CLSTN2: variants seen among roughly 807,000 people sequenced by gnomAD.
CLSTN2 encodes the protein calsyntenin 2.
CLSTN2 carries 48 observed loss-of-function variants against 101.2 expected under a neutral mutation model. The ratio of observed to expected loss-of-function variants is 0.47; its 90% confidence interval spans 0.38 to 0.60. The LOEUF is 0.60. Ranked by LOEUF, CLSTN2 falls within the 20% of genes least tolerant of loss-of-function variation. The pLI is 0.00. For synonymous variants in CLSTN2, 481 were observed against 463.6 expected (o/e 1.04, Z -0.48); for missense variants, 1,160 against 1,238.2 (o/e 0.94, Z 0.95).
chr3:140,427,182 A>T (rs9862981), intron 5 of CLSTN2, among the ~76,000 whole-genome samples: 27 of 79,774 alleles, frequency 3.4e-4, no homozygotes, highest in Non-Finnish European at 5.2e-4. Context: ...TCAAAAAAAA[A>T]AAATATATAT....
At chr3:140,086,477 A>G (rs1053195412) in intron 1 of CLSTN2, among the ~76,000 whole-genome samples, 4 of 152,216 alleles carry the variant, frequency 2.6e-5, no homozygotes, top group African/African-American at 9.6e-5. Flanking sequence ...TATGGATTGA[A>G]TCATCTAATA....
At chr3:140,517,379 G>T (rs980673985) in intron 8 of CLSTN2, among the ~76,000 whole-genome samples, 1 of 152,106 alleles carries the variant, frequency 6.6e-6, no homozygotes, top group Non-Finnish European at 1.5e-5. Context: ...TACTTTGGGG[G>T]TGTTAAAGAA....
chr3:140,037,704 A>T (rs1301329227), intron 1 of CLSTN2, among the ~76,000 whole-genome samples: 1 of 151,854 alleles, frequency 6.6e-6, no homozygotes, highest in Non-Finnish European at 1.5e-5. Flanking sequence ...CCCTACCCCG[A>T]CCCCACTGAC....
At chr3:140,116,116 A>G (rs2009238687) in intron 1 of CLSTN2, among the ~76,000 whole-genome samples, 1 of 152,136 alleles carries the variant, frequency 6.6e-6, no homozygotes. Context: ...TGAAGTGGGA[A>G]TATCAAGTGT....
chr3:140,154,640 C>CTTTT (rs1560111196), intron 1 of CLSTN2, among the ~76,000 whole-genome samples: 2 of 108,056 alleles, frequency 1.9e-5, no homozygotes, highest in East Asian at 5.7e-4. Context: ...GAAGTATCAC[C>CTTTT]CTTTTTTTTT....
intron 2 of CLSTN2, among the ~76,000 whole-genome samples, chr3:140,262,939 A>T (rs954821530): frequency 2.0e-5 from 3 of 152,116 alleles, no homozygotes; most frequent in Admixed American, 2.0e-4. Context: ...CACAAGGAGG[A>T]CAGTGAGTTA....
intron 1 of CLSTN2, among the ~76,000 whole-genome samples, chr3:140,150,765 T>C (rs556529677): frequency 2.0e-5 from 3 of 152,242 alleles, no homozygotes; most frequent in South Asian, 4.2e-4. Flanking sequence ...TTCACTGATA[T>C]TGATCCCAAG....
intron 1 of CLSTN2, among the ~76,000 whole-genome samples, chr3:140,121,403 G>T (rs1265649439): frequency 6.6e-6 from 1 of 152,166 alleles, no homozygotes. Flanking sequence ...TTGCTGGCTG[G>T]ATAGGTGAGC....
chr3:140,000,924 G>A (rs2006821325), intron 1 of CLSTN2, among the ~76,000 whole-genome samples: 1 of 152,164 alleles, frequency 6.6e-6, no homozygotes, highest in Admixed American at 6.5e-5. Context: ...AGGGTTCTGT[G>A]GTTATTGGCA....
chr3:139,950,054 C>A (rs1404856649), intron 1 of CLSTN2, among the ~76,000 whole-genome samples: 3 of 152,144 alleles, frequency 2.0e-5, no homozygotes, highest in African/African-American at 7.2e-5. Context: ...GCTAGGGAGG[C>A]AGGGCAGCAG....
intron 2 of CLSTN2, among the ~76,000 whole-genome samples, chr3:140,250,821 G>T (rs1559819322): frequency 6.6e-6 from 1 of 152,176 alleles, no homozygotes; most frequent in Non-Finnish European, 1.5e-5. Flanking sequence ...TAATAATACA[G>T]TCTTCATTAA....
intron 2 of CLSTN2, among the ~76,000 whole-genome samples, chr3:140,200,308 A>C (rs1300677107): frequency 3.9e-5 from 6 of 152,190 alleles, no homozygotes; most frequent in African/African-American, 1.4e-4. Flanking sequence ...GCCGTAAAAA[A>C]TTCTTGGAGA....
chr3:139,954,555 T>C (rs932786809), intron 1 of CLSTN2, among the ~76,000 whole-genome samples: 13 of 152,008 alleles, frequency 8.6e-5, no homozygotes, highest in African/African-American at 3.1e-4. Context: ...CCTTTGGAGG[T>C]GAAATGACTT....
chr3:140,415,224 CTA>C (rs1231481617), intron 4 of CLSTN2, among the ~76,000 whole-genome samples: 2 of 152,044 alleles, frequency 1.3e-5, no homozygotes, highest in Admixed American at 1.3e-4. Flanking sequence ...AGACCTGAAA[CTA>C]TAAAAACCCT....
chr3:140,217,796 A>G (rs1323739514), intron 2 of CLSTN2, among the ~76,000 whole-genome samples: 1 of 152,242 alleles, frequency 6.6e-6, no homozygotes, highest in Non-Finnish European at 1.5e-5. Flanking sequence ...GGGCAAGAAA[A>G]TGAAACTATT....
At chr3:139,946,244 G>T (rs1345522745) in intron 1 of CLSTN2, among the ~76,000 whole-genome samples, 3 of 152,198 alleles carry the variant, frequency 2.0e-5, no homozygotes, top group South Asian at 2.1e-4. Flanking sequence ...TCTCTCTCAT[G>T]CTGCCAAGAA....
Position 140,563,954 on chromosome 3 carries a change from G to A in CLSTN2, c.2483-7G>A. The A allele has an allele frequency of 5.0e-6, 8 of 1,612,160 alleles. No homozygotes were observed. The highest frequency in any genetic ancestry group is 2.2e-5 in the East Asian group (1 of 44,850). On this transcript the variant is annotated splice_polypyrimidine_tract_variant and splice_region_variant and intron_variant, in intron 15 of 16. Transcript: ENST00000458420. ...ACCATGTCATGCGAGTTTTTTCCTTGTTCCAGTGGTCCCAAGCATTGCCAC... is the reference window on the plus strand; with the variant it reads ...ACCATGTCATGCGAGTTTTTTCCTTATTCCAGTGGTCCCAAGCATTGCCAC...
At chr3:140,076,224 C>T (rs2008485339) in intron 1 of CLSTN2, among the ~76,000 whole-genome samples, 1 of 152,170 alleles carries the variant, frequency 6.6e-6, no homozygotes, top group South Asian at 2.1e-4. Context: ...CTTGTTGTTG[C>T]CTATGGCAGG....
rs116424644 is a variant in CLSTN2 at position 140,227,361 on chromosome 3, G to T, written c.232+51288G>T. On this transcript the variant is annotated intron_variant, in intron 2 of 16. Coordinates refer to ENST00000458420, the MANE Select transcript of CLSTN2 (RefSeq NM_022131.3). ...CTGAAATGAACTCCTTGGACTCCAT[G>T]TCTCACATCCAGGTCAAGCTGATGC... 9.2e-3 allele frequency among the ~76,000 whole-genome samples: 1,397 copies of T among 152,352 alleles called. 28 individuals are homozygous for T. Among genetic ancestry groups the T allele is most frequent in the African/African-American group, 0.032 (1,329 of 41,578 alleles).
Sources: allele counts gnomAD v4.1 joint callset (sites outside exome capture counted in the v4.1 genomes callset), GRCh38; gene constraint gnomAD v4.1.1; transcripts MANE v1.5; gene names NCBI Gene and HGNC (gene_info 2026-07-23, HGNC 2026-07-21).